The following SVOP variants were observed in gnomAD, a reference collection of about 807,000 sequenced individuals.
SVOP encodes the protein synaptic vesicle 2-related protein.
Under a neutral mutation model 69.1 loss-of-function variants are expected in SVOP, and 17 were observed. The observed-to-expected ratio is 0.25, with a 90% confidence interval of 0.17 to 0.37. The LOEUF (loss-of-function observed/expected upper bound fraction) is 0.37. SVOP is among the 10% of genes least tolerant of loss of function. SVOP has a pLI of 1.00. For missense variants in SVOP, 435 were observed against 597.5 expected, an observed-to-expected ratio of 0.73 and a Z score of 2.84; for synonymous variants, 238 against 238.6, an observed-to-expected ratio of 1.00 and a Z score of 0.02.
chr12:108,919,823 T>C (rs976134972), intron 12 of SVOP, 37 bp from the exon 13 acceptor site: 8 of 1,418,354 alleles, frequency 5.6e-6, no homozygotes, highest in Non-Finnish European at 7.8e-6. Context: ...CAGCTTCCGA[T>C]GTGATTCCCA....
chr12:108,989,845 G>A (rs968039579), intron 1 of SVOP, among the ~76,000 whole-genome samples: 1 of 152,148 alleles, frequency 6.6e-6, no homozygotes, highest in African/African-American at 2.4e-5. Context: ...CCCCTTCCTC[G>A]AACTCCTTGG....
chr12:108,943,116 T>G (rs1013895089), intron 7 of SVOP, among the ~76,000 whole-genome samples: 4 of 152,180 alleles, frequency 2.6e-5, no homozygotes, highest in African/African-American at 9.6e-5. Flanking sequence ...TGTTTCCTAC[T>G]GGGACCCTGA....
chr12:108,961,427 CTTTTT>C (rs373090263), intron 5 of SVOP, among the ~76,000 whole-genome samples: 4 of 133,272 alleles, frequency 3.0e-5, no homozygotes, highest in Admixed American at 7.5e-5. Flanking sequence ...ACATTCAAGA[CTTTTT>C]TTTTTTTTTT....
intron 1 of SVOP, among the ~76,000 whole-genome samples, chr12:108,985,966 C>G (rs148974532): frequency 0.32 from 49,192 of 152,032 alleles, 8,409 homozygotes; most frequent in African/African-American, 0.42. Flanking sequence ...CACAGTAATT[C>G]TGTAAACACC....
intron 14 of SVOP, among the ~76,000 whole-genome samples, chr12:108,916,986 A>T (rs2039718032): frequency 6.6e-6 from 1 of 152,178 alleles, no homozygotes; most frequent in African/African-American, 2.4e-5. Flanking sequence ...AGCTCAAGCG[A>T]TCCACCTGCC....
intron 1 of SVOP, among the ~76,000 whole-genome samples, chr12:108,992,162 A>AAATTCT (rs2040205713): frequency 6.6e-6 from 1 of 152,150 alleles, no homozygotes; most frequent in African/African-American, 2.4e-5. Context: ...ACTAAATAAC[A>AAATTCT]GGCTCCCCAA....
chr12:108,978,794 A>C, intron 2 of SVOP, 131 bp from the exon 3 acceptor site: 1 of 573,690 alleles, frequency 1.7e-6, no homozygotes. Context: ...AACTTATCCT[A>C]GAAAAATATT....
At chr12:108,973,158 A>C (rs1268014711) in intron 4 of SVOP, among the ~76,000 whole-genome samples, 5 of 152,144 alleles carry the variant, frequency 3.3e-5, no homozygotes, top group African/African-American at 9.7e-5. Context: ...ACCATGCTGA[A>C]GCCTTTATGC....
At chr12:109,010,887 G>A (rs991961536) in intron 1 of SVOP, among the ~76,000 whole-genome samples, 31 of 151,640 alleles carry the variant, frequency 2.0e-4, no homozygotes, top group African/African-American at 6.8e-4. Flanking sequence ...TTGAAGTGAA[G>A]GGGTGTGAAC....
Position 108,941,034 on chromosome 12 carries a change from T to C in SVOP, c.643-125A>G, listed in dbSNP as rs1015823265. 46 of 1,315,156 alleles carry C rather than the reference T, an allele frequency of 3.5e-5. 1 individual carries two copies. Among genetic ancestry groups the C allele is most frequent in the Non-Finnish European group, 4.3e-5 (42 of 982,280 alleles). 81.5% of individuals were successfully genotyped at this position (1,315,156 alleles called of 1,614,324 possible). A position where few individuals can be genotyped will look rare whatever the true frequency, so the allele number is the denominator to read the frequency against. ...GTCATCGGAGTCAGTAAGGTTAGAATAGCCACACTTTCCCTGTGGTCTATA... is the reference window on the plus strand; with the variant it reads ...GTCATCGGAGTCAGTAAGGTTAGAACAGCCACACTTTCCCTGTGGTCTATA... On this transcript the variant is annotated intron_variant, in intron 7 of 15. Transcript: ENST00000610966.
At chr12:109,001,985 T>C (rs1241327927) in intron 1 of SVOP, among the ~76,000 whole-genome samples, 4 of 121,858 alleles carry the variant, frequency 3.3e-5, no homozygotes, top group African/African-American at 1.2e-4. Flanking sequence ...AAAGAGCTTC[T>C]GCACAGCAAA....
intron 15 of SVOP, among the ~76,000 whole-genome samples, chr12:108,915,339 C>A (rs186188952): frequency 1.3e-5 from 2 of 152,148 alleles, no homozygotes; most frequent in Non-Finnish European, 2.9e-5. Context: ...TGACTCCCAC[C>A]CTTCCTTCCC....
At chr12:108,916,209 C>T (rs149318477) in intron 14 of SVOP, among the ~76,000 whole-genome samples, 2,967 of 152,330 alleles carry the variant, frequency 0.019, 272 homozygotes, top group Admixed American at 0.15. Flanking sequence ...CACCTTGAAG[C>T]CTGGGTCACA....
intron 9 of SVOP, among the ~76,000 whole-genome samples, chr12:108,937,656 A>G (rs941300112): frequency 3.3e-5 from 5 of 152,094 alleles, no homozygotes; most frequent in Non-Finnish European, 5.9e-5. Flanking sequence ...CAGCAAGCAG[A>G]AAACCAGTCC....
chr12:108,990,315 T>C (rs147590550), intron 1 of SVOP, among the ~76,000 whole-genome samples: 260 of 152,300 alleles, frequency 1.7e-3, no homozygotes, highest in African/African-American at 6.0e-3. Context: ...CCATGGTGTT[T>C]ATGGCTGCAT....
intron 1 of SVOP, among the ~76,000 whole-genome samples, chr12:108,997,456 A>G (rs1241344033): frequency 1.3e-5 from 2 of 152,118 alleles, no homozygotes; most frequent in Admixed American, 1.3e-4. Flanking sequence ...GGTGGAGCCC[A>G]CCACAGCTCA....
At chr12:108,988,036 C>T (rs2040175819) in intron 1 of SVOP, among the ~76,000 whole-genome samples, 1 of 152,104 alleles carries the variant, frequency 6.6e-6, no homozygotes, top group Non-Finnish European at 1.5e-5. Flanking sequence ...CTCCTCCCAC[C>T]TCAGCCTCTT....
intron 6 of SVOP, among the ~76,000 whole-genome samples, chr12:108,958,045 G>T (rs899085469): frequency 6.6e-6 from 1 of 152,140 alleles, no homozygotes; most frequent in Non-Finnish European, 1.5e-5. Flanking sequence ...ATATGATGGT[G>T]GTCCCATAAG....
intron 14 of SVOP, among the ~76,000 whole-genome samples, chr12:108,916,871 C>G (rs1021074076): frequency 6.6e-6 from 1 of 152,166 alleles, no homozygotes; most frequent in Non-Finnish European, 1.5e-5. Flanking sequence ...AGCCCCACCC[C>G]GAGTAGCTGG....
Sources: allele counts gnomAD v4.1 joint callset (sites outside exome capture counted in the v4.1 genomes callset), GRCh38; gene constraint gnomAD v4.1.1; transcripts MANE v1.5; gene names NCBI Gene and HGNC (gene_info 2026-07-23, HGNC 2026-07-21).